ECHDC1: variants seen among roughly 807,000 people sequenced by gnomAD.
The protein encoded by ECHDC1 is ethylmalonyl-CoA decarboxylase.
In ECHDC1, 29 loss-of-function variants were observed where a neutral mutation model predicts 29.7. That is an observed-to-expected ratio of 0.98 (90% CI 0.73 to 1.33). The LOEUF is 1.33. Ranked by LOEUF, ECHDC1 falls within the 40% of genes most tolerant of loss-of-function variation. The pLI, the probability that ECHDC1 is intolerant of heterozygous loss-of-function variation, is 0.00. For synonymous variants in ECHDC1, 126 were observed against 123.1 expected (o/e 1.02, Z -0.15); for missense variants, 328 against 350.0 (o/e 0.94, Z 0.50).
intron 1 of ECHDC1, chr6:127,341,462 T>C (rs1234916273): frequency 6.6e-6 from 1 of 152,210 alleles, no homozygotes; most frequent in Non-Finnish European, 1.5e-5. Context: ...AGTTAAACGA[T>C]TGGTTTTTTT....
chr6:127,314,818 G>A lies in ECHDC1; in HGVS notation c.495C>T (p.Phe165=), dbSNP rs367812403. ...GGAEFTTACD[F]RLMTPESKIR... is the part of the protein sequence containing the mutation. ...AATTAATGAAATTTTCATCCTACCT[G>A]AAATCACATGCTGTAGTAAATTCTG... is the stretch of plus-strand genomic sequence containing the variant. The change falls in exon 5 of 6, where the codon TTC becomes TTT. Residue 165 remains phenylalanine, a splice_region_variant and synonymous_variant. Transcript: ENST00000454859. 3.7e-6 allele frequency: 6 copies of A among 1,601,844 alleles called. No individual in the cohort carries two copies. The African/African-American group carries it at 8.1e-5, about 22-fold the overall frequency.
intron 5 of ECHDC1, among the ~76,000 whole-genome samples, chr6:127,298,534 C>T (rs549602605): frequency 6.6e-6 from 1 of 152,012 alleles, no homozygotes; most frequent in Non-Finnish European, 1.5e-5. Flanking sequence ...ACCATCCATA[C>T]TACAGGTATA....
At chr6:127,340,082 G>C (rs1161716252) in intron 1 of ECHDC1, among the ~76,000 whole-genome samples, 1 of 152,114 alleles carries the variant, frequency 6.6e-6, no homozygotes, top group Non-Finnish European at 1.5e-5. Context: ...TAAAAATATT[G>C]ACACTTTTTA....
intron 4 of ECHDC1, 90 bp from the exon 5 acceptor site, chr6:127,314,986 G>A: frequency 8.1e-7 from 1 of 1,229,460 alleles, no homozygotes; most frequent in Non-Finnish European, 1.2e-6. Context: ...AAAATGCAGT[G>A]GAAACAAAAT....
At position 127,337,709 on chromosome 6, in the gene ECHDC1, C is replaced by G. The variant is rs1342373852; in HGVS notation, c.-3+5627G>C. On this transcript the variant is annotated intron_variant, in intron 1 of 5. Transcript: ENST00000454859. ...AAATATTTTACAGAGTTTGACTGTT[C>G]GCATCAACAACACCTATATTCTCAT... Among the ~76,000 whole-genome samples, 3 of 152,112 alleles carry G rather than the reference C, an allele frequency of 2.0e-5. No individual in the cohort carries two copies. The East Asian group carries it at 5.8e-4, about 29-fold the overall frequency.
intron 1 of ECHDC1, among the ~76,000 whole-genome samples, chr6:127,339,164 C>T (rs1300282609): frequency 6.6e-6 from 1 of 151,520 alleles, no homozygotes; most frequent in Non-Finnish European, 1.5e-5. Context: ...ATAATTACAG[C>T]CTATAGATAT....
At chr6:127,307,446 T>C (rs1473499596) in intron 5 of ECHDC1, among the ~76,000 whole-genome samples, 3 of 151,788 alleles carry the variant, frequency 2.0e-5, no homozygotes, top group Non-Finnish European at 4.4e-5. Context: ...CTGACCAACA[T>C]GGTGAAAGCC....
intron 1 of ECHDC1, 45 bp from the exon 2 acceptor site, chr6:127,331,075 C>G: frequency 6.9e-7 from 1 of 1,442,274 alleles, no homozygotes; most frequent in Non-Finnish European, 9.6e-7. Context: ...TGAATAGGCA[C>G]TCACTTTTCT....
intron 2 of ECHDC1, chr6:127,329,812 T>A (rs1392172852): frequency 2.4e-6 from 1 of 419,316 alleles, no homozygotes; most frequent in East Asian, 7.4e-5. Context: ...AAATTGCACA[T>A]GTGGCTCACC....
intron 3 of ECHDC1, among the ~76,000 whole-genome samples, chr6:127,320,420 C>G (rs568397910): frequency 1.3e-5 from 2 of 152,018 alleles, no homozygotes; most frequent in East Asian, 1.9e-4. Context: ...CAACAGAGAT[C>G]GAAGGAACAA....
chr6:127,326,263 A>G (rs948084091), intron 3 of ECHDC1, among the ~76,000 whole-genome samples: 1 of 152,120 alleles, frequency 6.6e-6, no homozygotes, highest in African/African-American at 2.4e-5. Flanking sequence ...AGTGTGTGGT[A>G]CTTCTCCCCG....
At position 127,290,269 on chromosome 6, in the gene ECHDC1, G is replaced by A; in HGVS notation, c.506C>T (p.Thr169Ile). ...FTTACDFRLM[T>I]PESKIRFVHK... is the part of the protein sequence containing the mutation. ...GACGAATCTGATCTTACTCTCTGGAGTCATTAACCTGTAAAAGAAAAAAGA... is the reference window on the plus strand; with the variant it reads ...GACGAATCTGATCTTACTCTCTGGAATCATTAACCTGTAAAAGAAAAAAGA... Residue 169 changes from threonine to isoleucine, a missense_variant, in exon 6 of 6, where the codon ACT (threonine) becomes ATT (isoleucine). By Grantham distance (89) the Thr-to-Ile change is moderately conservative (BLOSUM62 -1). Transcript: ENST00000454859. 1 of 1,608,462 alleles carries A rather than the reference G, an allele frequency of 6.2e-7. No individual in the cohort carries two copies. The highest frequency in any genetic ancestry group is 8.5e-7 in the Non-Finnish European group (1 of 1,177,618).
chr6:127,302,055 T>C (rs1284727957), intron 5 of ECHDC1, among the ~76,000 whole-genome samples: 3 of 152,186 alleles, frequency 2.0e-5, no homozygotes, highest in Admixed American at 1.3e-4. Context: ...CTCAGACATC[T>C]TGTAACAAAT....
chr6:127,291,930 A>G (rs1780228688), intron 5 of ECHDC1, among the ~76,000 whole-genome samples: 2 of 152,098 alleles, frequency 1.3e-5, no homozygotes, highest in African/African-American at 4.8e-5. Context: ...TAAAATTGGG[A>G]GGAAAAAAGA....
At chr6:127,296,639 G>A (rs981685656) in intron 5 of ECHDC1, among the ~76,000 whole-genome samples, 3 of 152,068 alleles carry the variant, frequency 2.0e-5, no homozygotes, top group African/African-American at 7.2e-5. Context: ...TGAGAAATAA[G>A]CAAAATATGA....
chr6:127,313,761 G>A (rs573359196), intron 5 of ECHDC1, among the ~76,000 whole-genome samples: 139 of 152,254 alleles, frequency 9.1e-4, no homozygotes, highest in African/African-American at 3.2e-3. Context: ...ATGCCACAAT[G>A]TTATCATATT....
At position 127,289,867 on chromosome 6, in the gene ECHDC1, AATT is replaced by A. The variant is rs1484511385; in HGVS notation, c.905_*1del. ...TTGGAGTACATCCACACGAAAAACC[AATT>A]ATTTATTAAATTTTCCTTTCTTAGC... On this transcript the variant is annotated stop_lost and 3_prime_UTR_variant, in exon 6 of 6. Coordinates refer to ENST00000454859, the MANE Select transcript of ECHDC1 (RefSeq NM_001002030.2). 8 of 1,604,120 alleles carry A rather than the reference AATT, an allele frequency of 5.0e-6. No individual in the cohort carries two copies. In the African/African-American group the frequency reaches 5.4e-5, roughly 11 times the overall value.
chr6:127,342,279 T>C, intron 1 of ECHDC1: 2 of 1,446,710 alleles, frequency 1.4e-6, no homozygotes, highest in South Asian at 2.8e-5. Flanking sequence ...ATAATATTCT[T>C]AAGACTAAAC....
chr6:127,322,674 A>G (rs1297949250), intron 3 of ECHDC1, among the ~76,000 whole-genome samples: 1 of 151,736 alleles, frequency 6.6e-6, no homozygotes, highest in Non-Finnish European at 1.5e-5. Flanking sequence ...TGATGTATAT[A>G]TAAAACAATA....
Sources: gnomAD v4.1 joint callset for allele counts (sites outside exome capture counted in the v4.1 genomes callset) on GRCh38, gnomAD v4.1.1 for gene constraint, MANE v1.5 for transcripts, NCBI Gene and HGNC (gene_info 2026-07-23, HGNC 2026-07-21) for gene names.